Variants in AK7 observed in about 807,000 individuals in gnomAD.
AK7 encodes the protein ATP-AMP transphosphorylase 7.
A neutral mutation model predicts 96.6 loss-of-function variants in AK7; 78 were observed. The observed-to-expected ratio is 0.81, with a 90% confidence interval of 0.67 to 0.97. AK7 has a LOEUF of 0.97. Ranked by LOEUF, AK7 falls within the 50% of genes least tolerant of loss-of-function variation. AK7 has a pLI of 0.00. For missense variants in AK7, 855 were observed against 887.9 expected (o/e 0.96, Z 0.47); for synonymous variants, 302 against 317.2 (o/e 0.95, Z 0.51).
chr14:96,417,489 T>C (rs79879001), intron 4 of AK7, among the ~76,000 whole-genome samples: 5,047 of 152,292 alleles, frequency 0.033, 138 homozygotes, highest in Non-Finnish European at 0.052. Flanking sequence ...GATCTTCCCC[T>C]CAACAACTCA....
chr14:96,456,738 T>C, intron 11 of AK7: 1 of 322,052 alleles, frequency 3.1e-6, no homozygotes, highest in Non-Finnish European at 5.9e-6. Flanking sequence ...GCTTGCTGGC[T>C]TTGGCACCCG....
chr14:96,480,556 T>A (rs1344657901), intron 15 of AK7, among the ~76,000 whole-genome samples: 1 of 152,238 alleles, frequency 6.6e-6, no homozygotes, highest in Non-Finnish European at 1.5e-5. Context: ...ATGCTTTATA[T>A]GTAAAAGCTA....
intron 8 of AK7, among the ~76,000 whole-genome samples, chr14:96,448,762 C>G (rs1893397792): frequency 6.6e-6 from 1 of 151,746 alleles, no homozygotes; most frequent in Non-Finnish European, 1.5e-5. Context: ...TTGAGACCAG[C>G]CTAGCCATCA....
intron 9 of AK7, among the ~76,000 whole-genome samples, chr14:96,450,569 CA>C (rs36081779): frequency 0.17 from 25,795 of 147,750 alleles, 2,589 homozygotes; most frequent in East Asian, 0.49. Context: ...TCCATCACAA[CA>C]AAAAAAAAAA....
intron 2 of AK7, among the ~76,000 whole-genome samples, chr14:96,403,274 G>T (rs1208863747): frequency 1.3e-5 from 2 of 151,950 alleles, no homozygotes; most frequent in Non-Finnish European, 2.9e-5. Flanking sequence ...GGAGATCAGG[G>T]TGATGCATAT....
chr14:96,435,402 T>G (rs1294665146), intron 5 of AK7, among the ~76,000 whole-genome samples: 3 of 151,886 alleles, frequency 2.0e-5, no homozygotes, highest in African/African-American at 7.3e-5. Flanking sequence ...GAGCTGGTGT[T>G]CTAGATGCAA....
chr14:96,487,147 A>G (rs11848720), intron 17 of AK7, 91 bp downstream of exon 17: 309,813 of 1,369,592 alleles, frequency 0.23, 36,754 homozygotes, highest in African/African-American at 0.42. Context: ...GGCCAAGGTC[A>G]GGGGATCACT....
At chr14:96,424,100 C>A in intron 5 of AK7, 1 of 669,220 alleles carries the variant, frequency 1.5e-6, no homozygotes. Context: ...GGATCGGGCA[C>A]GGTGCTCCGC....
chr14:96,412,873 G>T (rs1327367622), intron 4 of AK7, among the ~76,000 whole-genome samples: 2 of 152,132 alleles, frequency 1.3e-5, no homozygotes, highest in East Asian at 3.9e-4. Flanking sequence ...AGCTACACAG[G>T]AAGTTTTAAC....
At chr14:96,477,320 CT>C (rs1429130625) in intron 14 of AK7, among the ~76,000 whole-genome samples, 1 of 152,208 alleles carries the variant, frequency 6.6e-6, no homozygotes, top group Non-Finnish European at 1.5e-5. Flanking sequence ...TTACACTTAC[CT>C]TTTTCACCCA....
At chr14:96,475,978 TAAAAAAAAAAAG>T (rs1566810216) in intron 14 of AK7, among the ~76,000 whole-genome samples, 1 of 42,330 alleles carries the variant, frequency 2.4e-5, no homozygotes, top group Non-Finnish European at 4.1e-5. Flanking sequence ...CCCTGTCTCT[TAAAAAAAAAAAG>T]AAAAAAAAAA....
At chr14:96,462,863 C>G (rs1297852323) in intron 12 of AK7, among the ~76,000 whole-genome samples, 2 of 152,064 alleles carry the variant, frequency 1.3e-5, no homozygotes, top group Non-Finnish European at 2.9e-5. Context: ...CTTGGCCAGG[C>G]TTGGTGGCTC....
intron 5 of AK7, among the ~76,000 whole-genome samples, chr14:96,432,119 G>A (rs529830332): frequency 4.6e-5 from 7 of 151,610 alleles, no homozygotes; most frequent in Non-Finnish European, 1.0e-4. Flanking sequence ...TTCTCTTGCC[G>A]GATTGGCCAG....
At chr14:96,415,607 G>A (rs539117608) in intron 4 of AK7, among the ~76,000 whole-genome samples, 54 of 152,066 alleles carry the variant, frequency 3.6e-4, no homozygotes, top group Non-Finnish European at 6.5e-4. Context: ...TTCCCAGTGC[G>A]TAGGTCTTTT....
intron 12 of AK7, among the ~76,000 whole-genome samples, chr14:96,463,490 C>T (rs532150118): frequency 2.0e-5 from 3 of 151,232 alleles, no homozygotes; most frequent in African/African-American, 2.4e-5. Context: ...GAGGCCGAGG[C>T]GGGCGGATCA....
chr14:96,470,234 G>A (rs576713980), intron 12 of AK7, among the ~76,000 whole-genome samples: 1 of 151,890 alleles, frequency 6.6e-6, no homozygotes, highest in South Asian at 2.1e-4. Context: ...GGAAGGAAGA[G>A]GGGGAGGATG....
At chr14:96,475,756 G>C (rs1895138276) in intron 14 of AK7, among the ~76,000 whole-genome samples, 1 of 152,114 alleles carries the variant, frequency 6.6e-6, no homozygotes, top group Non-Finnish European at 1.5e-5. Context: ...AGGATTGCTT[G>C]AGTCCAGGAG....
At position 96,404,811 on chromosome 14, in the gene AK7, TATAACATC is replaced by T. The variant is rs1566760673; in HGVS notation, c.351_358del (p.Asn118Ter). On this transcript the variant is annotated frameshift_variant, in exon 3 of 18. Transcript: ENST00000267584. LOFTEE classifies it high-confidence loss of function. The stretch of plus-strand genomic sequence containing the variant: ...CCTGCTGGAGTGTGATGTTATTATT[TATAACATC>T]ACTGAGAGCTCACAGCAAATGGAGG... 2 of 1,611,080 alleles carry T rather than the reference TATAACATC, an allele frequency of 1.2e-6. No individual in the cohort carries two copies. The highest frequency in any genetic ancestry group is 1.7e-6 in the Non-Finnish European group (2 of 1,177,746).
intron 2 of AK7, chr14:96,398,698 A>G (rs533059086): frequency 5.8e-5 from 11 of 189,224 alleles, no homozygotes; most frequent in Admixed American, 3.2e-4. Context: ...CCTGGGCAAC[A>G]TAGCAAGATC....
Sources: allele counts gnomAD v4.1 joint callset (sites outside exome capture counted in the v4.1 genomes callset), GRCh38; gene constraint gnomAD v4.1.1; transcripts MANE v1.5; gene names NCBI Gene and HGNC (gene_info 2026-07-23, HGNC 2026-07-21).